Variants in CHST11 observed in about 807,000 individuals in gnomAD.
The protein encoded by CHST11 is C4S-1.
CHST11 carries 9 observed loss-of-function variants against 30.4 expected under a neutral mutation model. The ratio of observed to expected loss-of-function variants is 0.30; its 90% CI spans 0.18 to 0.52. CHST11 has a LOEUF of 0.52. Among genes scored for constraint, CHST11 ranks in the 20% least tolerant of loss-of-function variants. The pLI, the probability that CHST11 is intolerant of heterozygous loss-of-function variation, is 0.97. For synonymous variants in CHST11, 152 were observed against 187.8 expected (o/e 0.81, Z 1.56); for missense variants, 348 against 460.6 (o/e 0.76, Z 2.24).
chr12:104,654,681 C>T (rs1020793406), intron 2 of CHST11, among the ~76,000 whole-genome samples: 4 of 152,192 alleles, frequency 2.6e-5, no homozygotes, highest in Non-Finnish European at 2.9e-5. Flanking sequence ...CCTGTCCACT[C>T]ACCAGGAGCA....
At position 104,482,888 on chromosome 12, in the gene CHST11, GTC is replaced by G. The variant is rs1341923541; in HGVS notation, c.118+25363_118+25364del. 5.9e-5 allele frequency among the ~76,000 whole-genome samples: 9 copies of G among 152,096 alleles called. No homozygotes were observed. The East Asian group carries it at 1.5e-3, about 26-fold the overall frequency. ...GTCTTTTAGTGGCTTCACGTCTGAA[GTC>G]TCTGCTTACTTTTTGGAACAGATGG... On this transcript the variant is annotated intron_variant, in intron 1 of 2. Transcript: ENST00000303694.
At chr12:104,752,472 T>C (rs1021082943) in intron 2 of CHST11, among the ~76,000 whole-genome samples, 2 of 152,310 alleles carry the variant, frequency 1.3e-5, no homozygotes, top group East Asian at 3.9e-4. Context: ...AAGAACTTTA[T>C]GATAATCAAC....
intron 1 of CHST11, among the ~76,000 whole-genome samples, chr12:104,491,648 A>AT (rs547491293): frequency 4.0e-5 from 6 of 151,628 alleles, no homozygotes; most frequent in South Asian, 2.1e-4. Context: ...GAAAAAAGAA[A>AT]TTTTTTTTCA....
At position 104,578,606 on chromosome 12, in the gene CHST11, C is replaced by T. The variant is rs115106873; in HGVS notation, c.119-23300C>T. ...GAGAATTGAGTCATCGGCTTTCTGG[C>T]GTGGTTTATTCTGTCCCAGAATCCC... On this transcript the variant is annotated intron_variant, in intron 1 of 2. Coordinates refer to ENST00000303694, the MANE Select transcript of CHST11 (RefSeq NM_018413.6). 1.1e-3 allele frequency among the ~76,000 whole-genome samples: 173 copies of T among 152,254 alleles called. 2 individuals are homozygous for T. The highest frequency in any genetic ancestry group is 3.7e-3 in the African/African-American group (153 of 41,534).
At chr12:104,564,624 C>T (rs2038543671) in intron 1 of CHST11, among the ~76,000 whole-genome samples, 1 of 152,178 alleles carries the variant, frequency 6.6e-6, no homozygotes, top group African/African-American at 2.4e-5. Flanking sequence ...AATATTAAGC[C>T]TTGTTAAATC....
intron 1 of CHST11, among the ~76,000 whole-genome samples, chr12:104,574,585 C>T (rs2038663123): frequency 2.6e-5 from 4 of 152,130 alleles, no homozygotes; most frequent in African/African-American, 9.6e-5. Flanking sequence ...TGGAAACCAT[C>T]ATTCTCAGCA....
chr12:104,548,414 G>A (rs2038373571), intron 1 of CHST11, among the ~76,000 whole-genome samples: 3 of 152,210 alleles, frequency 2.0e-5, no homozygotes, highest in African/African-American at 7.2e-5. Flanking sequence ...TGAGCTCAGT[G>A]TTGGGAAGAG....
rs187409631 is a variant in CHST11, at chr12:104,687,237, A to G, written c.205-69712A>G. Among the ~76,000 whole-genome samples, 255 of 152,354 alleles carry G rather than the reference A, an allele frequency of 1.7e-3. 1 individual carries two copies. The highest frequency in any genetic ancestry group is 6.0e-3 in the African/African-American group (251 of 41,584). ...AACTATTTTGTTTTTTTAGCATCCA[A>G]GTGCTTTACACCTTGTTCTCATTTG... On this transcript the variant is annotated intron_variant, in intron 2 of 2. Coordinates refer to ENST00000303694, the MANE Select transcript of CHST11 (RefSeq NM_018413.6).
At chr12:104,468,252 G>T (rs2037476994) in intron 1 of CHST11, among the ~76,000 whole-genome samples, 1 of 151,990 alleles carries the variant, frequency 6.6e-6, no homozygotes, top group Non-Finnish European at 1.5e-5. Flanking sequence ...GAGGGTAGAT[G>T]GGAGATGAAC....
At chr12:104,732,588 C>T (rs188569443) in intron 2 of CHST11, among the ~76,000 whole-genome samples, 378 of 152,318 alleles carry the variant, frequency 2.5e-3, no homozygotes, top group Admixed American at 4.8e-3. Flanking sequence ...AAGTAACAGG[C>T]GGGAGTGCCT....
At chr12:104,551,765 C>T (rs2038407509) in intron 1 of CHST11, among the ~76,000 whole-genome samples, 1 of 152,028 alleles carries the variant, frequency 6.6e-6, no homozygotes, top group African/African-American at 2.4e-5. Flanking sequence ...TCATGTGAGG[C>T]CGTACGGAAG....
chr12:104,744,873 A>T (rs1037291935), intron 2 of CHST11, among the ~76,000 whole-genome samples: 1 of 87,512 alleles, frequency 1.1e-5, no homozygotes, highest in African/African-American at 5.8e-5. Context: ...TTATTTATTT[A>T]TTTATTTATT....
At chr12:104,642,221 T>C (rs925040991) in intron 2 of CHST11, among the ~76,000 whole-genome samples, 1 of 152,138 alleles carries the variant, frequency 6.6e-6, no homozygotes, top group African/African-American at 2.4e-5. Flanking sequence ...GGTATATCCA[T>C]ACTATGGGAT....
chr12:104,659,102 G>A (rs916938046), intron 2 of CHST11, among the ~76,000 whole-genome samples: 1 of 152,220 alleles, frequency 6.6e-6, no homozygotes, highest in Non-Finnish European at 1.5e-5. Context: ...CATTGGAGGG[G>A]CTCAGAGGAA....
At chr12:104,576,078 C>G (rs778500668) in intron 1 of CHST11, among the ~76,000 whole-genome samples, 41 of 151,970 alleles carry the variant, frequency 2.7e-4, no homozygotes, top group Non-Finnish European at 5.0e-4. Context: ...TGTTCCCTCC[C>G]AAGTACAGTA....
At chr12:104,693,262 T>C (rs1297797665) in intron 2 of CHST11, among the ~76,000 whole-genome samples, 3 of 152,194 alleles carry the variant, frequency 2.0e-5, no homozygotes, top group Non-Finnish European at 4.4e-5. Flanking sequence ...GACTTCAACA[T>C]ATAAATTTGA....
At chr12:104,547,628 A>G (rs1038697173) in intron 1 of CHST11, among the ~76,000 whole-genome samples, 5 of 152,138 alleles carry the variant, frequency 3.3e-5, no homozygotes, top group African/African-American at 1.2e-4. Flanking sequence ...TTTTGCTTCC[A>G]AGTGCCAGCA....
At chr12:104,504,934 G>A (rs2037889403) in intron 1 of CHST11, among the ~76,000 whole-genome samples, 1 of 152,164 alleles carries the variant, frequency 6.6e-6, no homozygotes, top group Admixed American at 6.5e-5. Flanking sequence ...TAGGCAGCAA[G>A]GTTTGGGGAA....
At chr12:104,614,923 T>C (rs1481774469) in intron 2 of CHST11, among the ~76,000 whole-genome samples, 2 of 152,194 alleles carry the variant, frequency 1.3e-5, no homozygotes, top group East Asian at 3.8e-4. Context: ...CACACCCCTC[T>C]TCTTGGATAG....
Sources: allele counts gnomAD v4.1 joint callset (sites outside exome capture counted in the v4.1 genomes callset), GRCh38; gene constraint gnomAD v4.1.1; transcripts MANE v1.5; gene names NCBI Gene and HGNC (gene_info 2026-07-23, HGNC 2026-07-21).